ESRRG: variants seen among roughly 807,000 people sequenced by gnomAD.
ESRRG encodes estrogen related receptor gamma.
In ESRRG, 13 loss-of-function variants were observed where a neutral mutation model predicts 44.0. The observed-to-expected ratio is 0.30, with a 90% CI of 0.19 to 0.47. The LOEUF is 0.47. Among genes scored for constraint, ESRRG ranks in the 20% least tolerant of loss-of-function variants. The pLI is 1.00. For missense variants in ESRRG, 395 were observed against 580.6 expected (o/e 0.68, Z 3.29); for synonymous variants, 215 against 214.6 (o/e 1.00, Z -0.02).
At chr1:216,932,125 A>G (rs1010536677) in intron 2 of ESRRG, among the ~76,000 whole-genome samples, 9 of 152,298 alleles carry the variant, frequency 5.9e-5, no homozygotes, top group African/African-American at 1.9e-4. Context: ...AATTGCTTGA[A>G]TCCAGGAGGC....
chr1:216,674,909 G>GAC (rs2075825138), intron 2 of ESRRG, among the ~76,000 whole-genome samples: 1 of 151,122 alleles, frequency 6.6e-6, no homozygotes, highest in African/African-American at 2.4e-5. Context: ...CACTGCACCT[G>GAC]ACTAAGTAAA....
chr1:217,094,396 C>T (rs1213643894), upstream of ESRRG, among the ~76,000 whole-genome samples: 2 of 152,208 alleles, frequency 1.3e-5, no homozygotes, highest in Admixed American at 1.3e-4. Flanking sequence ...CAGAGGTCTA[C>T]AGAGACTTGG....
intron 2 of ESRRG, among the ~76,000 whole-genome samples, chr1:216,803,151 C>T (rs1457421319): frequency 1.3e-5 from 2 of 152,048 alleles, no homozygotes; most frequent in African/African-American, 2.4e-5. Context: ...CTGGTAAGAA[C>T]GTGGGGTGGA....
intron 1 of ESRRG, among the ~76,000 whole-genome samples, chr1:216,958,252 T>G (rs564311483): frequency 5.1e-4 from 77 of 152,304 alleles, no homozygotes; most frequent in African/African-American, 1.9e-3. Context: ...GCACAAAGCT[T>G]TTTTGTGGAC....
At chr1:216,567,891 T>G in intron 4 of ESRRG, 97 bp downstream of exon 4, 1 of 748,688 alleles carries the variant, frequency 1.3e-6, no homozygotes, top group East Asian at 2.6e-5. Flanking sequence ...GAAGTCTCCT[T>G]GGAGTCAGTA....
intron 2 of ESRRG, among the ~76,000 whole-genome samples, chr1:216,871,565 G>A (rs1218735912): frequency 1.3e-5 from 2 of 151,924 alleles, no homozygotes; most frequent in African/African-American, 2.4e-5. Context: ...ATTACAGAAC[G>A]AAGAGTTTTG....
chr1:216,724,361 C>T (rs2087036931), upstream of ESRRG, among the ~76,000 whole-genome samples: 1 of 84,382 alleles, frequency 1.2e-5, no homozygotes, highest in Non-Finnish European at 2.6e-5. Flanking sequence ...ATAAAGACAG[C>T]ATTTTTTTTT....
rs144583872 is a variant in ESRRG, at chr1:217,127,326, C to T, written c.-230+10341G>A. On this transcript the variant is annotated intron_variant, in intron 1 of 8. Coordinates refer to the ESRRG transcript ENST00000366940. ...TGTGTCTTATGTTAGCAGTAACAAA[C>T]GTGATTAATGACAGGACTTATGCAG... Among the ~76,000 whole-genome samples the T allele has an allele frequency of 1.2e-3, 179 of 152,230 alleles. 3 individuals carry two copies. In the South Asian group the frequency reaches 0.021, roughly 18 times the overall value.
intron 1 of ESRRG, among the ~76,000 whole-genome samples, chr1:217,053,482 A>T (rs1469428493): frequency 1.3e-5 from 2 of 151,490 alleles, no homozygotes; most frequent in Non-Finnish European, 2.9e-5. Context: ...AGAAAGAAAG[A>T]AAGAAAGAAA....
intron 3 of ESRRG, among the ~76,000 whole-genome samples, chr1:216,569,127 G>GAAGGAAGGAAGGAAGGAAGGAAGGAAA (rs2060253843): frequency 8.9e-6 from 1 of 112,076 alleles, no homozygotes; most frequent in Non-Finnish European, 1.9e-5. Context: ...AAGGAAGGAA[G>GAAGGAAGGAAGGAAGGAAGGAAGGAAA]GAAGGAAAGA....
upstream of ESRRG, among the ~76,000 whole-genome samples, chr1:216,726,112 C>T (rs145338622): frequency 1.6e-4 from 24 of 152,292 alleles, no homozygotes; most frequent in East Asian, 4.6e-3. Flanking sequence ...GATACATGTA[C>T]AAACATACAT....
intron 2 of ESRRG, among the ~76,000 whole-genome samples, chr1:216,773,337 A>G (rs2093459357): frequency 6.6e-6 from 1 of 152,118 alleles, no homozygotes; most frequent in African/African-American, 2.4e-5. Flanking sequence ...TCCACCAGAA[A>G]TGCAATGATC....
intron 1 of ESRRG, among the ~76,000 whole-genome samples, chr1:216,991,146 G>A (rs1056910224): frequency 6.6e-6 from 1 of 151,984 alleles, no homozygotes; most frequent in African/African-American, 2.4e-5. Flanking sequence ...GAGAATTGAA[G>A]TAATGCCTGA....
intron 2 of ESRRG, among the ~76,000 whole-genome samples, chr1:216,908,734 T>C (rs1474345842): frequency 6.6e-6 from 1 of 151,326 alleles, no homozygotes; most frequent in African/African-American, 2.4e-5. Context: ...CAAGATCACA[T>C]AACAGAATAG....
At chr1:217,120,735 G>T (rs115467745) in intron 1 of ESRRG, among the ~76,000 whole-genome samples, 1,533 of 152,244 alleles carry the variant, frequency 0.01, 23 homozygotes, top group African/African-American at 0.034. Flanking sequence ...TCTTTCTCAT[G>T]TGGTTAATTC....
intron 1 of ESRRG, among the ~76,000 whole-genome samples, chr1:217,001,249 T>C (rs1319918951): frequency 3.3e-5 from 5 of 152,196 alleles, no homozygotes; most frequent in African/African-American, 1.2e-4. Flanking sequence ...GATATAGGAA[T>C]GGACACAGTG....
intron 2 of ESRRG, among the ~76,000 whole-genome samples, chr1:216,925,163 G>C (rs1168048286): frequency 6.6e-6 from 1 of 152,192 alleles, no homozygotes; most frequent in South Asian, 2.1e-4. Context: ...TGTTGGCCAA[G>C]TGTGGTGGCT....
intron 1 of ESRRG, among the ~76,000 whole-genome samples, chr1:216,683,474 C>A (rs2077389337): frequency 6.6e-6 from 1 of 152,190 alleles, no homozygotes; most frequent in Admixed American, 6.5e-5. Flanking sequence ...AAAAGACTCT[C>A]TCTAGCTTAC....
At chr1:216,535,490 G>A (rs1482632466) in intron 5 of ESRRG, among the ~76,000 whole-genome samples, 1 of 152,072 alleles carries the variant, frequency 6.6e-6, no homozygotes, top group Admixed American at 6.6e-5. Flanking sequence ...GATAAATGAA[G>A]GACATCAGAT....
Sources: allele counts gnomAD v4.1 joint callset (sites outside exome capture counted in the v4.1 genomes callset), GRCh38; gene constraint gnomAD v4.1.1; transcripts MANE v1.5; gene names NCBI Gene and HGNC (gene_info 2026-07-23, HGNC 2026-07-21).